Variants in ALKAL1 observed in about 807,000 individuals in gnomAD.
ALKAL1 encodes ALK and LTK ligand 1.
In ALKAL1, 23 loss-of-function variants were observed where a neutral mutation model predicts 13.5. The observed-to-expected ratio is 1.70, with a 90% CI of 1.23 to 2.41. ALKAL1 has a LOEUF of 2.41. Among genes scored for constraint, ALKAL1 ranks in the 30% most tolerant of loss-of-function variants. The pLI is 0.00. For synonymous variants in ALKAL1, 85 were observed against 77.7 expected (o/e 1.09, Z -0.49); for missense variants, 181 against 178.4 (o/e 1.01, Z -0.08).
intron 1 of ALKAL1, among the ~76,000 whole-genome samples, chr8:52,549,566 A>G (rs1847409196): frequency 6.6e-6 from 1 of 152,018 alleles, no homozygotes; most frequent in African/African-American, 2.4e-5. Flanking sequence ...CACCAGTTGT[A>G]TTGAAAAAGG....
At chr8:52,558,570 T>TG (rs1847507628) in intron 1 of ALKAL1, among the ~76,000 whole-genome samples, 1 of 152,158 alleles carries the variant, frequency 6.6e-6, no homozygotes, top group Admixed American at 6.5e-5. Context: ...CTGTTCACCT[T>TG]TCCTTCTCTC....
At chr8:52,536,326 A>C (rs983219728) in intron 4 of ALKAL1, among the ~76,000 whole-genome samples, 2 of 152,162 alleles carry the variant, frequency 1.3e-5, no homozygotes, top group Non-Finnish European at 2.9e-5. Flanking sequence ...ATGCTGACCC[A>C]AAAAAAGTTG....
chr8:52,558,804 C>A (rs553006042), intron 1 of ALKAL1, among the ~76,000 whole-genome samples: 1 of 152,064 alleles, frequency 6.6e-6, no homozygotes. Context: ...TGTCATAGTC[C>A]GTTTTGTGTG....
chr8:52,538,066 C>T (rs555084279), intron 4 of ALKAL1, among the ~76,000 whole-genome samples: 3 of 148,200 alleles, frequency 2.0e-5, no homozygotes, highest in African/African-American at 5.0e-5. Context: ...TCCAGCCTGG[C>T]GACAGAGCGA....
chr8:52,548,826 C>T (rs1847399706), intron 1 of ALKAL1, among the ~76,000 whole-genome samples: 1 of 152,082 alleles, frequency 6.6e-6, no homozygotes. Flanking sequence ...TTGCCATCTG[C>T]AGCCCTCCTC....
At position 52,534,106 on chromosome 8, in the gene ALKAL1, C is replaced by G. The variant is rs1053477193; in HGVS notation, c.*507G>C. The G allele has an allele frequency of 2.6e-5, 4 of 152,068 alleles. No homozygotes were observed. The highest frequency in any genetic ancestry group is 9.7e-5 in the African/African-American group (4 of 41,398). The allele number at this position is 152,068 out of a possible 1,614,324, so 9.4% of individuals were successfully genotyped here. A position where few individuals can be genotyped will look rare whatever the true frequency, so the allele number is the denominator to read the frequency against. The stretch of plus-strand genomic sequence containing the variant: ...CATATTTCAACTTTAATAAAATTCA[C>G]AGTTCAAATTAATGCAAGTGAAGAC... On this transcript the variant is annotated 3_prime_UTR_variant, in exon 5 of 5. Transcript: ENST00000358543.
chr8:52,549,803 G>T (rs746490409), intron 1 of ALKAL1, among the ~76,000 whole-genome samples: 2 of 151,962 alleles, frequency 1.3e-5, no homozygotes, highest in Non-Finnish European at 2.9e-5. Context: ...TTAGTCAGGC[G>T]TGGTGGCACA....
chr8:52,539,837 G>T lies in ALKAL1; in HGVS notation c.319C>A (p.Pro107Thr), dbSNP rs1847295736. 6.2e-7 allele frequency: 1 copy of T among 1,609,124 alleles called. No individual in the cohort carries two copies. Among genetic ancestry groups the T allele is most frequent in the Non-Finnish European group, 8.5e-7 (1 of 1,177,434 alleles). The change falls in exon 3 of 5, where the codon CCA becomes ACA. Residue 107 changes from proline to threonine, a missense_variant. Physicochemically the swap from Pro to Thr is conservative, Grantham distance 38. Transcript: ENST00000358543. ...LYYNTRECST[P>T]AYYKRCARLL... ...ACCCACCCAAGTTACTTACAAGCTG[G>T]CGTTGAGCACTCCCTGGTATTGTAA...
Position 52,538,493 on chromosome 8 carries a change from C to T in ALKAL1, c.340G>A (p.Ala114Thr). 3 of 1,608,902 alleles carry T rather than the reference C, an allele frequency of 1.9e-6. No individual in the cohort carries two copies. Among genetic ancestry groups the T allele is most frequent in the Non-Finnish European group, 2.6e-6 (3 of 1,176,214 alleles). The change falls in exon 4 of 5, where the codon GCT becomes ACT. Residue 114 changes from alanine to threonine, a missense_variant. Physicochemically the swap from Ala to Thr is moderately conservative, Grantham distance 58 (BLOSUM62 0). Transcript: ENST00000358543. ...CSTPAYYKRC[A>T]RLLTRLAVSP... ...ACTGCTAATCTTGTTAACAATCTAG[C>T]ACATCTTTTGTAATCTAGGAAAAAC...
chr8:52,545,918 T>C lies in ALKAL1; in HGVS notation c.191-3473A>G, dbSNP rs78765100. The stretch of plus-strand genomic sequence containing the variant: ...CATTGTGGGAGCATCATAGAGTGCA[T>C]TTACATAAACCTTGGTGGTAGAGTC... On this transcript the variant is annotated intron_variant, in intron 1 of 4. Coordinates refer to ENST00000358543, the MANE Select transcript of ALKAL1 (RefSeq NM_207413.4). Among the ~76,000 whole-genome samples, 905 of 152,306 alleles carry C rather than the reference T, an allele frequency of 5.9e-3. 9 individuals are homozygous for C. The highest frequency in any genetic ancestry group is 0.021 in the African/African-American group (853 of 41,570).
intron 1 of ALKAL1, among the ~76,000 whole-genome samples, chr8:52,545,364 C>T (rs1234793151): frequency 3.9e-5 from 6 of 152,164 alleles, no homozygotes; most frequent in African/African-American, 1.2e-4. Context: ...ATTGCTTCCT[C>T]TGCCCTATTG....
intron 3 of ALKAL1, among the ~76,000 whole-genome samples, chr8:52,539,275 C>T (rs920694702): frequency 6.6e-6 from 1 of 152,118 alleles, no homozygotes; most frequent in Non-Finnish European, 1.5e-5. Flanking sequence ...TGAGTTACCA[C>T]ACATAGTCAT....
chr8:52,550,689 G>T (rs1423122763), intron 1 of ALKAL1, among the ~76,000 whole-genome samples: 1 of 152,166 alleles, frequency 6.6e-6, no homozygotes, highest in Non-Finnish European at 1.5e-5. Context: ...TTCCTTGCCT[G>T]TTCCAGCTCT....
At chr8:52,562,217 C>G (rs898898564) in intron 1 of ALKAL1, among the ~76,000 whole-genome samples, 1 of 152,088 alleles carries the variant, frequency 6.6e-6, no homozygotes, top group Non-Finnish European at 1.5e-5. Context: ...CTGTCAGGGG[C>G]ACTAATAGAG....
At chr8:52,535,550 C>CAAAAAAAAAAAAAAAAAAAAAGAAA (rs1847257278) in intron 4 of ALKAL1, among the ~76,000 whole-genome samples, 1 of 68,630 alleles carries the variant, frequency 1.5e-5, no homozygotes. Flanking sequence ...GACCCTGTCT[C>CAAAAAAAAAAAAAAAAAAAAAGAAA]AAAAAAAAAA....
rs149373660 is a variant in ALKAL1 at position 52,563,738 on chromosome 8, C to T, written c.190+1329G>A. Among the ~76,000 whole-genome samples, 399 of 152,310 alleles carry T rather than the reference C, an allele frequency of 2.6e-3. 3 individuals are homozygous for T. Among genetic ancestry groups the T allele is most frequent in the African/African-American group, 8.4e-3 (351 of 41,574 alleles). ...TGTGCCCTCCCCTCCTGAGGGCTCC[C>T]CAGTGGCCGGCTGGACTGAGAGGCT... On this transcript the variant is annotated intron_variant, in intron 1 of 4. Transcript: ENST00000358543.
chr8:52,537,952 C>T (rs1278161788), intron 4 of ALKAL1, among the ~76,000 whole-genome samples: 3 of 151,858 alleles, frequency 2.0e-5, no homozygotes, highest in Admixed American at 2.0e-4. Context: ...AAAAATTAGC[C>T]GGGCATGGTG....
At chr8:52,536,052 C>G (rs1183789182) in intron 4 of ALKAL1, among the ~76,000 whole-genome samples, 3 of 152,184 alleles carry the variant, frequency 2.0e-5, no homozygotes, top group Non-Finnish European at 4.4e-5. Context: ...GATTCTCCTG[C>G]CTCAGCCTCC....
chr8:52,534,339 TACAATC>T lies in ALKAL1; in HGVS notation c.*268_*273del. ...AATAATATATCTAGTAAAAATAAAA[TACAATC>T]ACACAATTTTTAATATCTAATTTTC... On this transcript the variant is annotated 3_prime_UTR_variant, in exon 5 of 5. Coordinates refer to ENST00000358543, the MANE Select transcript of ALKAL1 (RefSeq NM_207413.4). The T allele has an allele frequency of 6.6e-6, 2 of 303,056 alleles. No individual in the cohort carries two copies. The highest frequency in any genetic ancestry group is 1.2e-5 in the Non-Finnish European group (2 of 168,278). 18.8% of individuals were successfully genotyped at this position (303,056 alleles called of 1,614,324 possible).
Sources: gnomAD v4.1 joint callset for allele counts (sites outside exome capture counted in the v4.1 genomes callset) on GRCh38, gnomAD v4.1.1 for gene constraint, MANE v1.5 for transcripts, NCBI Gene and HGNC (gene_info 2026-07-23, HGNC 2026-07-21) for gene names.